Variants in PGCKA1 observed in about 807,000 individuals in gnomAD.
The protein encoded by PGCKA1 is PDCD10 and GCKIII kinases associated 1.
At chr4:37,534,878 G>A in the PGCKA1 span, among the ~76,000 whole-genome samples, 3 of 152,342 alleles carry the variant, frequency 2.0e-5, no homozygotes, top group Non-Finnish European at 4.4e-5. Flanking sequence ...CTAGTGTTCA[G>A]GCCATAGCAA....
At chr4:37,476,015 AATT>A in the PGCKA1 span, among the ~76,000 whole-genome samples, 6 of 150,630 alleles carry the variant, frequency 4.0e-5, no homozygotes, top group Admixed American at 1.3e-4. Flanking sequence ...TATTTAAAAT[AATT>A]ATTATTTTAT....
the PGCKA1 span, among the ~76,000 whole-genome samples, chr4:37,471,468 G>A: frequency 6.6e-6 from 1 of 152,096 alleles, no homozygotes; most frequent in Admixed American, 6.6e-5. Context: ...ATGTATTCTA[G>A]AATGAATATA....
At chr4:37,512,073 A>AT in the PGCKA1 span, among the ~76,000 whole-genome samples, 1 of 152,200 alleles carries the variant, frequency 6.6e-6, no homozygotes, top group Non-Finnish European at 1.5e-5. Flanking sequence ...AAGTGCACAG[A>AT]TTCTTGGTAC....
chr4:37,470,437 G>A, the PGCKA1 span, among the ~76,000 whole-genome samples: 1 of 39,912 alleles, frequency 2.5e-5, no homozygotes, highest in Non-Finnish European at 5.7e-5. Context: ...CTTTGGGTGG[G>A]ACATGGAAAA....
chr4:37,519,482 CT>C, the PGCKA1 span, among the ~76,000 whole-genome samples: 1 of 152,062 alleles, frequency 6.6e-6, no homozygotes, highest in Admixed American at 6.5e-5. Context: ...TCTTTCACTT[CT>C]TTGGTTAAGC....
At chr4:37,549,280 G>A in the PGCKA1 span, among the ~76,000 whole-genome samples, 1 of 152,188 alleles carries the variant, frequency 6.6e-6, no homozygotes, top group African/African-American at 2.4e-5. Flanking sequence ...CAAATAACTG[G>A]AGTGGAACTT....
the PGCKA1 span, among the ~76,000 whole-genome samples, chr4:37,585,006 GTTTTTTTTT>G: frequency 8.1e-6 from 1 of 123,642 alleles, no homozygotes; most frequent in Non-Finnish European, 1.7e-5. Flanking sequence ...TCTTTGACTT[GTTTTTTTTT>G]TTTTTTTTAC....
At chr4:37,471,767 T>C in the PGCKA1 span, among the ~76,000 whole-genome samples, 4 of 151,984 alleles carry the variant, frequency 2.6e-5, no homozygotes, top group Non-Finnish European at 5.9e-5. Flanking sequence ...GTGCTAAAAG[T>C]AGAAGAATGA....
the PGCKA1 span, among the ~76,000 whole-genome samples, chr4:37,506,452 G>C: frequency 6.6e-6 from 1 of 151,890 alleles, no homozygotes. Flanking sequence ...GTATCCTATA[G>C]CTTTTGGTCT....
chr4:37,528,712 T>C, the PGCKA1 span, among the ~76,000 whole-genome samples: 1 of 152,202 alleles, frequency 6.6e-6, no homozygotes, highest in African/African-American at 2.4e-5. Context: ...CGTCCCACTA[T>C]AGTCTGCGGT....
chr4:37,566,812 C>T, the PGCKA1 span, among the ~76,000 whole-genome samples: 1 of 152,160 alleles, frequency 6.6e-6, no homozygotes, highest in African/African-American at 2.4e-5. Context: ...GAACTCCTGA[C>T]CTCAAGTGAT....
chr4:37,562,705 T>C, the PGCKA1 span, among the ~76,000 whole-genome samples: 1 of 152,198 alleles, frequency 6.6e-6, no homozygotes, highest in Non-Finnish European at 1.5e-5. Flanking sequence ...ATATAGCATA[T>C]TATATGACAT....
At chr4:37,463,213 C>G in the PGCKA1 span, among the ~76,000 whole-genome samples, 1 of 152,236 alleles carries the variant, frequency 6.6e-6, no homozygotes, top group South Asian at 2.1e-4. Context: ...CGTCTCCCAG[C>G]CACTGGTGAG....
chr4:37,528,398 A>C, the PGCKA1 span, among the ~76,000 whole-genome samples: 2 of 152,138 alleles, frequency 1.3e-5, no homozygotes, highest in East Asian at 1.9e-4. Context: ...TCACCCAAGA[A>C]GGCCCAGGGC....
At chr4:37,533,864 T>C in the PGCKA1 span, among the ~76,000 whole-genome samples, 2 of 152,266 alleles carry the variant, frequency 1.3e-5, no homozygotes, top group Non-Finnish European at 2.9e-5. Context: ...TGGGAAATGC[T>C]TACAGTGCAT....
chr4:37,496,335 C>T, the PGCKA1 span, among the ~76,000 whole-genome samples: 2 of 152,158 alleles, frequency 1.3e-5, no homozygotes, highest in Admixed American at 1.3e-4. Flanking sequence ...AGCCAGTTTT[C>T]CCATCACCAT....
chr4:37,542,568 G>A, the PGCKA1 span, among the ~76,000 whole-genome samples: 4 of 152,120 alleles, frequency 2.6e-5, no homozygotes, highest in East Asian at 7.7e-4. Context: ...TTTCTGTAAT[G>A]AGGAACATGT....
the PGCKA1 span, chr4:37,558,029 A>G: frequency 6.6e-6 from 1 of 152,232 alleles, no homozygotes; most frequent in Non-Finnish European, 1.5e-5. Flanking sequence ...TGTTGCAGGA[A>G]GAGAAGTTAA....
the PGCKA1 span, among the ~76,000 whole-genome samples, chr4:37,585,582 T>G: frequency 6.5e-5 from 1 of 15,500 alleles, no homozygotes; most frequent in African/African-American, 2.0e-4. Context: ...AGGAGAGGTG[T>G]TGAGGGAGGG....
Sources: allele counts gnomAD v4.1 joint callset (sites outside exome capture counted in the v4.1 genomes callset), GRCh38; gene constraint gnomAD v4.1.1; transcripts MANE v1.5; gene names NCBI Gene and HGNC (gene_info 2026-07-23, HGNC 2026-07-21).